The following FBN2 variants were observed in gnomAD, a reference collection of about 807,000 sequenced individuals.
FBN2 encodes the protein fibrillin-2.
FBN2 carries 105 observed loss-of-function variants against 355.6 expected under a neutral mutation model. The ratio of observed to expected loss-of-function variants is 0.30; its 90% CI spans 0.25 to 0.35. The LOEUF is 0.35. FBN2 is among the 10% of genes least tolerant of loss of function. FBN2 has a pLI of 1.00. For synonymous variants in FBN2, 1,350 were observed against 1,301.2 expected (o/e 1.04, Z -0.81); for missense variants, 3,280 against 3,758.7 (o/e 0.87, Z 3.33).
In FBN2 at chr5:128,361,855, G is replaced by C. The variant is rs1360790658; in HGVS notation, c.2429-7C>G. 1.2e-6 allele frequency: 2 copies of C among 1,613,736 alleles called. No individual in the cohort carries two copies. Among genetic ancestry groups the C allele is most frequent in the South Asian group, 2.2e-5 (2 of 91,084 alleles). On this transcript the variant is annotated splice_polypyrimidine_tract_variant and splice_region_variant and intron_variant, in intron 18 of 64. Coordinates refer to ENST00000262464, the MANE Select transcript of FBN2 (RefSeq NM_001999.4). ...ACTAAACATTCATCAATGTCTGAAA[G>C]CAACGATTGAAAGATAGGAGATACA...
intron 5 of FBN2, among the ~76,000 whole-genome samples, chr5:128,516,590 G>A (rs1231927401): frequency 4.6e-5 from 7 of 152,028 alleles, no homozygotes; most frequent in Non-Finnish European, 1.5e-5. Context: ...TCATATGACT[G>A]ATCCCAAAAG....
At chr5:128,358,673 A>C (rs1167069448) in intron 19 of FBN2, among the ~76,000 whole-genome samples, 1 of 152,080 alleles carries the variant, frequency 6.6e-6, no homozygotes, top group African/African-American at 2.4e-5. Flanking sequence ...TCTAATGAAA[A>C]CATCAATCCG....
At chr5:128,330,899 A>G (rs921251902) in intron 32 of FBN2, among the ~76,000 whole-genome samples, 4 of 152,208 alleles carry the variant, frequency 2.6e-5, no homozygotes, top group African/African-American at 9.7e-5. Context: ...GAATTCAAGC[A>G]ATTTGTGAGA....
intron 7 of FBN2, among the ~76,000 whole-genome samples, chr5:128,441,609 C>A (rs1421584235): frequency 6.6e-6 from 1 of 152,166 alleles, no homozygotes; most frequent in Non-Finnish European, 1.5e-5. Context: ...AGAAAATGTT[C>A]AATTAATACA....
At chr5:128,390,009 GT>G (rs947381605) in intron 11 of FBN2, among the ~76,000 whole-genome samples, 12 of 149,302 alleles carry the variant, frequency 8.0e-5, no homozygotes, top group Non-Finnish European at 1.0e-4. Flanking sequence ...TCTCTATGGA[GT>G]TTTTTTTTTA....
At chr5:128,302,841 A>G (rs1749756373) in intron 46 of FBN2, 132 bp downstream of exon 46, 2 of 700,118 alleles carry the variant, frequency 2.9e-6, no homozygotes, top group South Asian at 1.6e-5. Flanking sequence ...AGTCAATGAA[A>G]TTATATATCT....
At chr5:128,285,103 T>C (rs1749107531) in intron 55 of FBN2, among the ~76,000 whole-genome samples, 1 of 152,252 alleles carries the variant, frequency 6.6e-6, no homozygotes, top group African/African-American at 2.4e-5. Context: ...CGTCTCTGAT[T>C]AGGTTTATGG....
chr5:128,344,523 T>A lies in FBN2; in HGVS notation c.3218-13A>T, dbSNP rs200543836. On this transcript the variant is annotated splice_polypyrimidine_tract_variant and intron_variant, in intron 24 of 64. Coordinates refer to ENST00000262464, the MANE Select transcript of FBN2 (RefSeq NM_001999.4). ...CATTCATTGATGTCTAAAAGCAGAA[T>A]GAAGCCAGAATGTAGAGCCGGTTGA... 15 of 1,613,368 alleles carry A rather than the reference T, an allele frequency of 9.3e-6. No individual in the cohort carries two copies. Among genetic ancestry groups the A allele is most frequent in the Admixed American group, 3.3e-5 (2 of 59,994 alleles).
intron 5 of FBN2, among the ~76,000 whole-genome samples, chr5:128,480,651 A>C (rs1313902862): frequency 6.6e-6 from 1 of 152,130 alleles, no homozygotes; most frequent in African/African-American, 2.4e-5. Context: ...CAGAGGTTGC[A>C]GTGAGCCAAG....
intron 46 of FBN2, 84 bp from the exon 47 acceptor site, chr5:128,301,594 A>G: frequency 1.5e-6 from 2 of 1,295,322 alleles, no homozygotes; most frequent in Non-Finnish European, 2.2e-6. Context: ...AAACATACTT[A>G]TTGGCATGCA....
At chr5:128,321,154 C>T (rs1219343297) in intron 34 of FBN2, among the ~76,000 whole-genome samples, 3 of 152,054 alleles carry the variant, frequency 2.0e-5, no homozygotes, top group Non-Finnish European at 1.5e-5. Flanking sequence ...GTGTTTTCTA[C>T]CTGACTTATT....
chr5:128,364,096 C>T (rs1751707319), intron 18 of FBN2, among the ~76,000 whole-genome samples: 1 of 152,166 alleles, frequency 6.6e-6, no homozygotes, highest in Non-Finnish European at 1.5e-5. Context: ...TCCTCCTCCT[C>T]TTGCATTTGT....
chr5:128,404,033 A>G (rs921049280), intron 8 of FBN2, among the ~76,000 whole-genome samples: 2 of 152,222 alleles, frequency 1.3e-5, no homozygotes, highest in Admixed American at 1.3e-4. Context: ...CTTTCAGCAC[A>G]TGTGAGCTCT....
chr5:128,292,033 T>C (rs1192586798), intron 48 of FBN2, among the ~76,000 whole-genome samples: 1 of 152,100 alleles, frequency 6.6e-6, no homozygotes, highest in Non-Finnish European at 1.5e-5. Context: ...GTGATCCCCA[T>C]GTCACCCCTA....
At chr5:128,270,829 AAGG>A (rs1320938649) in intron 62 of FBN2, among the ~76,000 whole-genome samples, 5 of 152,244 alleles carry the variant, frequency 3.3e-5, no homozygotes, top group Non-Finnish European at 7.3e-5. Context: ...ATCTGGGCAT[AAGG>A]AGTTCTACAA....
chr5:128,297,435 G>T (rs941318139), intron 48 of FBN2, among the ~76,000 whole-genome samples: 12 of 151,956 alleles, frequency 7.9e-5, no homozygotes, highest in African/African-American at 2.9e-4. Flanking sequence ...TTGACAGTGG[G>T]GTGTTAAAGT....
intron 20 of FBN2, among the ~76,000 whole-genome samples, chr5:128,352,415 T>C (rs1554124385): frequency 6.6e-6 from 1 of 152,218 alleles, no homozygotes; most frequent in Non-Finnish European, 1.5e-5. Context: ...AGTGAAATAT[T>C]ATGCACTTTA....
chr5:128,506,920 C>G (rs559403958), intron 5 of FBN2, among the ~76,000 whole-genome samples: 154 of 152,134 alleles, frequency 1.0e-3, no homozygotes, highest in African/African-American at 3.6e-3. Context: ...TTTTTAATAT[C>G]ATAGGATAAA....
At chr5:128,435,363 A>G (rs918200378) in intron 7 of FBN2, among the ~76,000 whole-genome samples, 5 of 152,150 alleles carry the variant, frequency 3.3e-5, no homozygotes, top group Admixed American at 1.3e-4. Context: ...TATTTTCAAG[A>G]TTTTTGTTAG....
Sources: gnomAD v4.1 joint callset for allele counts (sites outside exome capture counted in the v4.1 genomes callset) on GRCh38, gnomAD v4.1.1 for gene constraint, MANE v1.5 for transcripts, NCBI Gene and HGNC (gene_info 2026-07-23, HGNC 2026-07-21) for gene names.